The following PTTG1IP2 variants were observed in gnomAD, a reference collection of about 807,000 sequenced individuals.
PTTG1IP2 encodes PTTG1IP family member 2.
intron 2 of PTTG1IP2, among the ~76,000 whole-genome samples, chr7:90,484,154 T>C (rs987597566): frequency 1.3e-5 from 2 of 151,996 alleles, no homozygotes; most frequent in Admixed American, 6.6e-5. Flanking sequence ...CCCATAATTT[T>C]AGAAATCATT....
At chr7:90,473,776 A>G (rs959350214) in intron 1 of PTTG1IP2, among the ~76,000 whole-genome samples, 1 of 152,178 alleles carries the variant, frequency 6.6e-6, no homozygotes, top group African/African-American at 2.4e-5. Flanking sequence ...AGAAGAACAC[A>G]GTTATTACAG....
chr7:90,508,263 CAAAAAA>C (rs5885728), intron 6 of PTTG1IP2, among the ~76,000 whole-genome samples: 1 of 76,928 alleles, frequency 1.3e-5, no homozygotes. Flanking sequence ...GAACTCGTCT[CAAAAAA>C]AAAAAAAAAA....
chr7:90,496,209 G>C (rs905824113), intron 6 of PTTG1IP2, among the ~76,000 whole-genome samples: 2 of 152,172 alleles, frequency 1.3e-5, no homozygotes, highest in African/African-American at 4.8e-5. Context: ...TTTTTGAGAA[G>C]AGTTGAGAAG....
rs1420188032 is a variant in PTTG1IP2 at position 90,469,928 on chromosome 7, G to A, written c.142G>A (p.Glu48Lys). ...TCAGAAACCAAGAGATGGGAATGAA[G>A]AGGGTGAGTGATCTGGAGTCCTGAG... ...NNQKPRDGNE[E>K]ECAVKKSCQL... The change falls in exon 1 of 7, where the codon GAG becomes AAG. Residue 48 changes from glutamate (E) to lysine (K), a missense_variant. Physicochemically the swap from Glu to Lys is moderately conservative, Grantham distance 56. Coordinates refer to ENST00000509356, the MANE Select transcript of PTTG1IP2 (RefSeq NM_001365443.2). 1.3e-5 allele frequency: 2 copies of A among 152,688 alleles called. No individual in the cohort carries two copies. Among genetic ancestry groups the A allele is most frequent in the Non-Finnish European group, 2.9e-5 (2 of 68,076 alleles). The allele number at this position is 152,688 out of a possible 1,614,324, so 9.5% of individuals were successfully genotyped here.
At chr7:90,491,957 C>A (rs540927224) in intron 4 of PTTG1IP2, among the ~76,000 whole-genome samples, 1 of 151,894 alleles carries the variant, frequency 6.6e-6, no homozygotes, top group Non-Finnish European at 1.5e-5. Flanking sequence ...ATGGTGAAAC[C>A]CTGTCTCTAC....
chr7:90,471,905 TACCC>T (rs1253210204), intron 1 of PTTG1IP2, among the ~76,000 whole-genome samples: 1 of 152,074 alleles, frequency 6.6e-6, no homozygotes, highest in Non-Finnish European at 1.5e-5. Context: ...AGTCCAAAGA[TACCC>T]CTTCATGGAA....
rs186702372 is a variant in PTTG1IP2, at chr7:90,498,355, C to A, written c.*50+3925C>A. On this transcript the variant is annotated intron_variant, in intron 6 of 6. Coordinates refer to ENST00000509356, the MANE Select transcript of PTTG1IP2 (RefSeq NM_001365443.2). Reference sequence around the variant, plus strand: ...ACCTTGAATGTAAATAGGTTAAATTCTCCAATGAAATAAAGGGGCTGAATG... The same window carrying A: ...ACCTTGAATGTAAATAGGTTAAATTATCCAATGAAATAAAGGGGCTGAATG... 1.6e-3 allele frequency among the ~76,000 whole-genome samples: 241 copies of A among 152,234 alleles called. 1 individual carries two copies. Among genetic ancestry groups the A allele is most frequent in the Non-Finnish European group, 2.8e-3 (189 of 68,024 alleles).
At chr7:90,475,686 C>T (rs182442915) in intron 1 of PTTG1IP2, among the ~76,000 whole-genome samples, 155 of 152,204 alleles carry the variant, frequency 1.0e-3, no homozygotes, top group African/African-American at 3.4e-3. Context: ...TTGGGCCAGG[C>T]GTGGTGGCTC....
At chr7:90,492,506 C>T (rs1221961076) in intron 5 of PTTG1IP2, among the ~76,000 whole-genome samples, 197 bp downstream of exon 5, 1 of 152,170 alleles carries the variant, frequency 6.6e-6, no homozygotes, top group Non-Finnish European at 1.5e-5. Flanking sequence ...GAACACATTG[C>T]ATTGCATACA....
chr7:90,490,937 T>C (rs1797929994), intron 4 of PTTG1IP2, among the ~76,000 whole-genome samples: 1 of 152,140 alleles, frequency 6.6e-6, no homozygotes, highest in African/African-American at 2.4e-5. Context: ...CTCTTCTTTC[T>C]GAATTTCTTC....
At chr7:90,492,063 G>A (rs184016551) in intron 4 of PTTG1IP2, among the ~76,000 whole-genome samples, 176 bp from the exon 5 acceptor site, 2 of 151,940 alleles carry the variant, frequency 1.3e-5, no homozygotes, top group East Asian at 1.9e-4. Context: ...CCCAGGAGGT[G>A]GAGGTTGCAG....
chr7:90,501,845 C>T (rs1325781489), intron 6 of PTTG1IP2, among the ~76,000 whole-genome samples: 3 of 152,116 alleles, frequency 2.0e-5, no homozygotes, highest in Admixed American at 1.3e-4. Context: ...CCACATGATT[C>T]GTTCTTCCTT....
At chr7:90,499,950 A>T (rs1349024218) in intron 6 of PTTG1IP2, among the ~76,000 whole-genome samples, 4 of 152,074 alleles carry the variant, frequency 2.6e-5, no homozygotes, top group Non-Finnish European at 5.9e-5. Context: ...GCAGTGGCTC[A>T]GGCCTATAAT....
chr7:90,495,789 G>A (rs1036277637), intron 6 of PTTG1IP2, among the ~76,000 whole-genome samples: 2 of 152,190 alleles, frequency 1.3e-5, no homozygotes, highest in Non-Finnish European at 2.9e-5. Flanking sequence ...TAAGAATTAT[G>A]CTAGGAGAGC....
chr7:90,508,247 C>T (rs564128873), intron 6 of PTTG1IP2, among the ~76,000 whole-genome samples: 2 of 130,434 alleles, frequency 1.5e-5, no homozygotes, highest in Non-Finnish European at 3.1e-5. Flanking sequence ...GTCTGGGCAA[C>T]AGTGAGAACT....
chr7:90,502,135 T>A (rs571907337), intron 6 of PTTG1IP2, among the ~76,000 whole-genome samples: 1 of 152,220 alleles, frequency 6.6e-6, no homozygotes, highest in Non-Finnish European at 1.5e-5. Flanking sequence ...TTCAGTCACA[T>A]CTTCAGGCTC....
intron 2 of PTTG1IP2, among the ~76,000 whole-genome samples, chr7:90,479,927 G>T (rs1452565093): frequency 1.3e-5 from 2 of 152,214 alleles, no homozygotes; most frequent in Non-Finnish European, 2.9e-5. Flanking sequence ...TAGTGATCTA[G>T]ATATACACCC....
chr7:90,471,742 G>A (rs1345017550), intron 1 of PTTG1IP2, among the ~76,000 whole-genome samples: 2 of 152,132 alleles, frequency 1.3e-5, no homozygotes, highest in Admixed American at 6.6e-5. Context: ...ACAAGTTGAG[G>A]GGGTATCCAT....
Position 90,483,441 on chromosome 7 carries a change from A to G in PTTG1IP2, c.193-3886A>G, listed in dbSNP as rs190661936. On this transcript the variant is annotated intron_variant, in intron 2 of 6. Coordinates refer to ENST00000509356, the MANE Select transcript of PTTG1IP2 (RefSeq NM_001365443.2). The stretch of plus-strand genomic sequence containing the variant: ...CTTGGAAACACATGCACATTCACAA[A>G]CTCAAAGCCTTTCTCATTTCCTTGT... Among the ~76,000 whole-genome samples the G allele has an allele frequency of 1.6e-4, 24 of 152,256 alleles. No individual in the cohort carries two copies. The East Asian group carries it at 4.4e-3, about 28-fold the overall frequency.
Sources: allele counts gnomAD v4.1 joint callset (sites outside exome capture counted in the v4.1 genomes callset), GRCh38; gene constraint gnomAD v4.1.1; transcripts MANE v1.5; gene names NCBI Gene and HGNC (gene_info 2026-07-23, HGNC 2026-07-21).